The following PLEKHG4B variants were observed in gnomAD, a reference collection of about 807,000 sequenced individuals.
PLEKHG4B encodes the protein pleckstrin homology domain-containing family G member 4B.
Under a neutral mutation model 121.3 loss-of-function variants are expected in PLEKHG4B, and 111 were observed. That is an observed-to-expected ratio of 0.92 (90% CI 0.78 to 1.07). The LOEUF (loss-of-function observed/expected upper bound fraction) is 1.07, where lower values mean the gene tolerates loss of function less well. PLEKHG4B is among the 50% of genes least tolerant of loss of function. PLEKHG4B has a pLI of 0.00. For synonymous variants in PLEKHG4B, 738 were observed against 725.0 expected, an observed-to-expected ratio of 1.02 and a Z score of -0.29; for missense variants, 1,831 against 1,757.8, an observed-to-expected ratio of 1.04 and a Z score of -0.74.
rs1239556805 is a variant in PLEKHG4B, at chr5:182,109, G to C, written c.4670G>C (p.Ser1557Thr). The change falls in exon 20 of 20, where the codon AGC becomes ACC. Residue 1557 changes from serine to threonine, a missense_variant. Coordinates refer to ENST00000637938, the MANE Select transcript of PLEKHG4B (RefSeq NM_052909.5). ...ISDSSTSSSS[S>T]QSSSILGSLG... ...GACAGCAGCACCTCCTCTTCTAGCA[G>C]CCAGTCCTCCTCCATCCTGGGGTCG... 6.2e-7 allele frequency: 1 copy of C among 1,614,126 alleles called. No homozygotes were observed. Among genetic ancestry groups the C allele is most frequent in the East Asian group, 2.2e-5 (1 of 44,884 alleles).
At chr5:109,944 C>A (rs144327075) in intron 1 of PLEKHG4B, among the ~76,000 whole-genome samples, 160 of 151,908 alleles carry the variant, frequency 1.1e-3, no homozygotes, top group African/African-American at 3.8e-3. Context: ...CGTGCACACA[C>A]CCACACAATC....
In PLEKHG4B at chr5:169,593, G is replaced by A. The variant is rs201003692; in HGVS notation, c.3729+1G>A. ...CGTGGGCCGCAGTTTCCTGAGACAC[G>A]TAAGTGCAGGCCATGGCGTGGGTGC... On this transcript the variant is annotated splice_donor_variant, in intron 14 of 19. Coordinates refer to ENST00000637938, the MANE Select transcript of PLEKHG4B (RefSeq NM_052909.5). LOFTEE classifies it high-confidence loss of function. 7.5e-5 allele frequency: 121 copies of A among 1,612,646 alleles called. No homozygotes were observed. Among genetic ancestry groups the A allele is most frequent in the East Asian group, 2.2e-4 (10 of 44,882 alleles).
chr5:182,197 C>G lies in PLEKHG4B; in HGVS notation c.4758C>G (p.Pro1586=). Residue 1586 remains proline (P), a synonymous_variant, in exon 20 of 20, where the codon CCC becomes CCG. Coordinates refer to ENST00000637938, the MANE Select transcript of PLEKHG4B (RefSeq NM_052909.5). ...GCCTATGGAGCCCTGCCCACAGCCCCTGGTCATCTGATATCAGAGCCTGCG... is the reference window on the plus strand; with the variant it reads ...GCCTATGGAGCCCTGCCCACAGCCCGTGGTCATCTGATATCAGAGCCTGCG... ...HPGLWSPAHS[P]WSSDIRACVE... 4 of 1,613,970 alleles carry G rather than the reference C, an allele frequency of 2.5e-6. No homozygotes were observed. Among genetic ancestry groups the G allele is most frequent in the Non-Finnish European group, 3.4e-6 (4 of 1,180,048 alleles).
Position 174,026 on chromosome 5 carries a change from T to C in PLEKHG4B, c.4330T>C (p.Ser1444Pro). 1 of 1,606,502 alleles carries C rather than the reference T, an allele frequency of 6.2e-7. No homozygotes were observed. Among genetic ancestry groups the C allele is most frequent in the African/African-American group, 1.3e-5 (1 of 74,546 alleles). The change falls in exon 18 of 20, where the codon TCG becomes CCG. Residue 1444 changes from serine to proline, a missense_variant. Ser to Pro is a moderately conservative substitution (Grantham distance 74, BLOSUM62 -1). Coordinates refer to ENST00000637938, the MANE Select transcript of PLEKHG4B (RefSeq NM_052909.5). ...GGACACCTACATTCTCCAAGCAAGCTCGGCAGAGGTCAAGAGTGCATGGAC... is the reference window on the plus strand; with the variant it reads ...GGACACCTACATTCTCCAAGCAAGCCCGGCAGAGGTCAAGAGTGCATGGAC... Reference protein sequence around the residue: ...SQDTYILQASSAEVKSAWTDV... With the variant: ...SQDTYILQASPAEVKSAWTDV...
In PLEKHG4B at chr5:135,673, AAAAAAAAAAATATATATATAT is replaced by A. The variant is rs1216950931; in HGVS notation, c.244-3808_244-3788del. Among the ~76,000 whole-genome samples, 39 of 64,196 alleles carry A rather than the reference AAAAAAAAAAATATATATATAT, an allele frequency of 6.1e-4. 1 individual carries two copies. The highest frequency in any genetic ancestry group is 4.2e-3 in the Admixed American group (24 of 5,760). The allele number at this position is 64,196 out of a possible 152,430, so 42.1% of individuals were successfully genotyped here. ...AAAGCAAGACTCCATCTCAAAAAAA[AAAAAAAAAAATATATATATAT>A]ATATATATATATATATATATATATA... On this transcript the variant is annotated intron_variant, in intron 2 of 19. Transcript: ENST00000637938.
intron 2 of PLEKHG4B, among the ~76,000 whole-genome samples, chr5:134,076 A>AATATATATATATATATATAT (rs67940117): frequency 2.5e-5 from 1 of 40,278 alleles, no homozygotes; most frequent in African/African-American, 7.6e-5. Flanking sequence ...TATATGATAG[A>AATATATATATATATATATAT]ATATATATAT....
Position 92,259 on chromosome 5 carries a change from G to A in PLEKHG4B, c.28G>A (p.Gly10Ser), listed in dbSNP as rs1469624118. Residue 10 changes from glycine (G) to serine (S), a missense_variant, in exon 1 of 20, where the codon GGC (glycine) becomes AGC (serine). Physicochemically the swap from Gly to Ser is moderately conservative, Grantham distance 56 (BLOSUM62 0). Transcript: ENST00000637938. ...GGGTTTCAGCACAGCAGACGGCGGG[G>A]GCGGCCCAGGCGCCCGGGTAAGAGG... is the stretch of plus-strand genomic sequence containing the variant. MGFSTADGG[G>S]GPGARDLESL... The A allele has an allele frequency of 7.0e-5, 23 of 329,856 alleles. No homozygotes were observed. The highest frequency in any genetic ancestry group is 5.7e-5 in the Non-Finnish European group (11 of 191,700). 20.4% of individuals were successfully genotyped at this position (329,856 alleles called of 1,614,324 possible).
At chr5:120,666 C>T (rs1734441097) in intron 2 of PLEKHG4B, among the ~76,000 whole-genome samples, 1 of 152,184 alleles carries the variant, frequency 6.6e-6, no homozygotes, top group South Asian at 2.1e-4. Flanking sequence ...AGCCCCTCAC[C>T]TAACTGCCTA....
chr5:180,043 C>T (rs892861992), intron 18 of PLEKHG4B, among the ~76,000 whole-genome samples: 2 of 152,132 alleles, frequency 1.3e-5, no homozygotes, highest in Admixed American at 6.5e-5. Flanking sequence ...ACCTTTATCT[C>T]GTGGATGTTT....
intron 18 of PLEKHG4B, chr5:179,629 C>G (rs1479049983): frequency 6.5e-6 from 1 of 152,720 alleles, no homozygotes; most frequent in Non-Finnish European, 1.5e-5. Flanking sequence ...TGTCCCCAGG[C>G]CAGCTATGCT....
intron 7 of PLEKHG4B, among the ~76,000 whole-genome samples, chr5:153,670 T>C (rs1424594534): frequency 6.6e-6 from 1 of 152,158 alleles, no homozygotes; most frequent in Non-Finnish European, 1.5e-5. Flanking sequence ...CATTTTCTTA[T>C]TGTTTTTATA....
At position 161,843 on chromosome 5, in the gene PLEKHG4B, G is replaced by A; in HGVS notation, c.2548G>A (p.Val850Ile). 1 of 1,613,950 alleles carries A rather than the reference G, an allele frequency of 6.2e-7. No homozygotes were observed. The highest frequency in any genetic ancestry group is 8.5e-7 in the Non-Finnish European group (1 of 1,180,028). The change falls in exon 12 of 20, where the codon GTC becomes ATC. Residue 850 changes from valine to isoleucine, a missense_variant. Transcript: ENST00000637938. Reference sequence around the variant, plus strand: ...GAACCCGCAACGTACAGAGGAAATGGTCCAGGATTTCAGAAGGGGCCTGAG... The same window carrying A: ...GAACCCGCAACGTACAGAGGAAATGATCCAGGATTTCAGAAGGGGCCTGAG... ...KENPQRTEEM[V>I]QDFRRGLSAV... is the part of the protein sequence containing the mutation.
intron 8 of PLEKHG4B, 60 bp from the exon 9 acceptor site, chr5:155,285 C>T: frequency 7.0e-7 from 1 of 1,435,382 alleles, no homozygotes; most frequent in Non-Finnish European, 9.8e-7. Context: ...CTCACAGCTG[C>T]TTACTTTAGC....
In PLEKHG4B at chr5:156,804, G is replaced by A. The variant is rs780283022; in HGVS notation, c.2380G>A (p.Asp794Asn). ...DTLEAATSLY[D>N]RVDEEVHRLV... is the part of the protein sequence containing the mutation. Reference sequence around the variant, plus strand: ...CCTGGAGGCCGCCACAAGCCTGTACGACCGAGTGGATGAGGAGGTGCACAG... The same window carrying A: ...CCTGGAGGCCGCCACAAGCCTGTACAACCGAGTGGATGAGGAGGTGCACAG... The change falls in exon 11 of 20, where the codon GAC becomes AAC. Residue 794 changes from aspartate to asparagine, a missense_variant. By Grantham distance (23) the Asp-to-Asn change is conservative. Coordinates refer to ENST00000637938, the MANE Select transcript of PLEKHG4B (RefSeq NM_052909.5). The surrounding 1 kb of genome is among the most constrained non-coding windows in gnomAD (Gnocchi z 4.4). The A allele has an allele frequency of 7.0e-6, 11 of 1,574,838 alleles. No individual in the cohort carries two copies. The highest frequency in any genetic ancestry group is 4.1e-5 in the African/African-American group (3 of 74,048).
intron 7 of PLEKHG4B, among the ~76,000 whole-genome samples, chr5:154,436 G>A (rs746719596): frequency 4.0e-5 from 6 of 151,712 alleles, no homozygotes; most frequent in East Asian, 3.9e-4. Flanking sequence ...GTGGGAACTC[G>A]CCCCTGCTGG....
rs79825885 is a variant in PLEKHG4B, at chr5:97,535, C to T, written c.45+5259C>T. ...ATCTATTCCGGACATTTCATATCAA[C>T]GGAATCGCACAATATATAGGGTTGT... On this transcript the variant is annotated intron_variant, in intron 1 of 19. Transcript: ENST00000637938. 8.1e-3 allele frequency among the ~76,000 whole-genome samples: 1,241 copies of T among 152,322 alleles called. 9 individuals are homozygous for T. The highest frequency in any genetic ancestry group is 0.011 in the Non-Finnish European group (745 of 68,036).
In PLEKHG4B at chr5:155,405, T is replaced by G; in HGVS notation, c.2170T>G (p.Cys724Gly). ...CATCATTTTCCTACAGAATTCATTC[T>G]GCTCCCTGAACACCCACAGAACCCC... Reference protein sequence around the residue: ...EAIIFLQNSFCSLNTHRTPRT... With the variant: ...EAIIFLQNSFGSLNTHRTPRT... Residue 724 changes from cysteine to glycine, a missense_variant, in exon 9 of 20, where the codon TGC (cysteine) becomes GGC (glycine). Coordinates refer to ENST00000637938, the MANE Select transcript of PLEKHG4B (RefSeq NM_052909.5). 6.2e-7 allele frequency: 1 copy of G among 1,614,250 alleles called. No homozygotes were observed. The highest frequency in any genetic ancestry group is 8.5e-7 in the Non-Finnish European group (1 of 1,180,048).
At chr5:171,912 A>G (rs1226440947) in intron 16 of PLEKHG4B, among the ~76,000 whole-genome samples, 1 of 152,188 alleles carries the variant, frequency 6.6e-6, no homozygotes, top group East Asian at 1.9e-4. Context: ...GACCGGCTGC[A>G]TGGGTCTCAT....
In PLEKHG4B at chr5:185,416, T is replaced by A. The variant is rs1733597025; in HGVS notation, c.*3093T>A. The A allele has an allele frequency of 6.6e-6, 1 of 152,234 alleles. No homozygotes were observed. The highest frequency in any genetic ancestry group is 6.5e-5 in the Admixed American group (1 of 15,288). The allele number at this position is 152,234 out of a possible 1,614,324, so 9.4% of individuals were successfully genotyped here. The stretch of plus-strand genomic sequence containing the variant: ...GCAGTATTTTTTTAAAGTACAATCA[T>A]GCACACAGCACTTCCCCTGGGAGGC... On this transcript the variant is annotated 3_prime_UTR_variant, in exon 20 of 20. Coordinates refer to ENST00000637938, the MANE Select transcript of PLEKHG4B (RefSeq NM_052909.5).
Sources: allele counts gnomAD v4.1 joint callset (sites outside exome capture counted in the v4.1 genomes callset), GRCh38; gene constraint gnomAD v4.1.1; non-coding constraint Gnocchi (gnomAD v3.1); transcripts MANE v1.5; gene names NCBI Gene and HGNC (gene_info 2026-07-23, HGNC 2026-07-21).